PHYH: variants seen among roughly 807,000 people sequenced by gnomAD.
The protein encoded by PHYH is phytanoyl-CoA dioxygenase, peroxisomal.
A neutral mutation model predicts 38.5 loss-of-function variants in PHYH; 32 were observed. That is an observed-to-expected ratio of 0.83 (90% CI 0.63 to 1.12). The LOEUF (loss-of-function observed/expected upper bound fraction) is 1.12, where lower values mean the gene tolerates loss of function less well. Among genes scored for constraint, PHYH ranks in the 50% most tolerant of loss-of-function variants. The pLI, the probability that PHYH is intolerant of heterozygous loss-of-function variation, is 0.00. For synonymous variants in PHYH, 166 were observed against 157.9 expected (o/e 1.05, Z -0.38); for missense variants, 426 against 434.8 (o/e 0.98, Z 0.18).
chr10:13,277,804 G>T lies in PHYH; in HGVS notation c.*497C>A. 1 of 182,112 alleles carries T rather than the reference G, an allele frequency of 5.5e-6. No individual in the cohort carries two copies. Among genetic ancestry groups the T allele is most frequent in the Non-Finnish European group, 1.2e-5 (1 of 86,610 alleles). 11.3% of individuals were successfully genotyped at this position (182,112 alleles called of 1,614,324 possible). A position where few individuals can be genotyped will look rare whatever the true frequency, so the allele number is the denominator to read the frequency against. On this transcript the variant is annotated 3_prime_UTR_variant, in exon 9 of 9. Coordinates refer to ENST00000263038, the MANE Select transcript of PHYH (RefSeq NM_006214.4). ...ATCACAGGAGAAAGCCCTTGTCCGA[G>T]CAGGAATATCCACTTTATTTGGACT...
chr10:13,290,830 C>T (rs1199672418), intron 5 of PHYH, among the ~76,000 whole-genome samples: 1 of 152,148 alleles, frequency 6.6e-6, no homozygotes, highest in African/African-American at 2.4e-5. Flanking sequence ...GGCGCGGTGG[C>T]TCACACCTGT....
intron 2 of PHYH, among the ~76,000 whole-genome samples, chr10:13,296,564 GAAA>G (rs1219238482): frequency 6.6e-4 from 45 of 68,250 alleles, no homozygotes; most frequent in Non-Finnish European, 1.0e-3. Context: ...CTCCATCTCA[GAAA>G]AAAAAAAAAA....
chr10:13,296,414 T>C lies in PHYH; in HGVS notation c.135-808A>G, dbSNP rs1462536953. Among the ~76,000 whole-genome samples the C allele has an allele frequency of 2.0e-5, 3 of 150,876 alleles. No homozygotes were observed. In the East Asian group the frequency reaches 5.9e-4, roughly 30 times the overall value. On this transcript the variant is annotated intron_variant, in intron 2 of 8. Transcript: ENST00000263038. ...TCACATGATGAAACCCCATCTCTACTAAAAATACAAAAATTAGCGTGCCTG... is the reference window on the plus strand; with the variant it reads ...TCACATGATGAAACCCCATCTCTACCAAAAATACAAAAATTAGCGTGCCTG...
At chr10:13,278,894 C>A (rs1392843795) in intron 8 of PHYH, among the ~76,000 whole-genome samples, 3 of 152,324 alleles carry the variant, frequency 2.0e-5, no homozygotes, top group Admixed American at 6.5e-5. Flanking sequence ...GGTCCCCCAG[C>A]TGCTGTCAGT....
rs1588513735 is a variant in PHYH, at chr10:13,291,747, G to A, written c.496+84C>T. The A allele has an allele frequency of 1.6e-5, 14 of 886,004 alleles. No individual in the cohort carries two copies. In the East Asian group the frequency reaches 3.4e-4, roughly 22 times the overall value. 54.9% of individuals were successfully genotyped at this position (886,004 alleles called of 1,614,324 possible). ...TCCTCCCTTGGTCTCCTAAAATGCT[G>A]GGATTACAGGCATGAGTTACTGCAC... On this transcript the variant is annotated intron_variant, in intron 5 of 8. Coordinates refer to ENST00000263038, the MANE Select transcript of PHYH (RefSeq NM_006214.4).
chr10:13,295,706 C>CA, intron 2 of PHYH, 100 bp from the exon 3 acceptor site: 1 of 694,324 alleles, frequency 1.4e-6, no homozygotes, highest in Non-Finnish European at 2.6e-6. Context: ...CGGGCCGAGG[C>CA]AAGTGGATCA....
At chr10:13,284,151 C>G (rs1245156833) in intron 6 of PHYH, among the ~76,000 whole-genome samples, 2 of 151,926 alleles carry the variant, frequency 1.3e-5, no homozygotes, top group Non-Finnish European at 2.9e-5. Flanking sequence ...GGCAAAACCC[C>G]ATCTCTACAA....
chr10:13,282,051 G>A (rs954491264), intron 7 of PHYH, among the ~76,000 whole-genome samples: 4 of 152,096 alleles, frequency 2.6e-5, no homozygotes, highest in Non-Finnish European at 4.4e-5. Context: ...TTCAAGACTC[G>A]CCTGGGCAAC....
At chr10:13,281,790 T>G (rs1835419577) in intron 7 of PHYH, among the ~76,000 whole-genome samples, 1 of 152,240 alleles carries the variant, frequency 6.6e-6, no homozygotes, top group African/African-American at 2.4e-5. Context: ...GACTTTCTAC[T>G]TTGCCCCAAA....
intron 2 of PHYH, 41 bp from the exon 3 acceptor site, chr10:13,295,647 A>T: frequency 1.1e-6 from 1 of 879,370 alleles, no homozygotes; most frequent in Non-Finnish European, 1.9e-6. Flanking sequence ...TACATTTTTA[A>T]ATTACAGGCT....
intron 2 of PHYH, among the ~76,000 whole-genome samples, chr10:13,297,354 T>C (rs930987118): frequency 3.9e-5 from 6 of 152,204 alleles, no homozygotes; most frequent in African/African-American, 1.4e-4. Flanking sequence ...TGTATGAGAA[T>C]ATTTAGGAAG....
intron 2 of PHYH, among the ~76,000 whole-genome samples, chr10:13,297,333 G>C (rs187880578): frequency 6.6e-6 from 1 of 152,116 alleles, no homozygotes; most frequent in Admixed American, 6.6e-5. Flanking sequence ...CCTTAAGATC[G>C]GAATTGTGGT....
intron 1 of PHYH, among the ~76,000 whole-genome samples, chr10:13,298,910 A>G (rs1279146149): frequency 1.1e-5 from 1 of 88,192 alleles, no homozygotes; most frequent in Non-Finnish European, 2.5e-5. Flanking sequence ...ACAGAGCAAG[A>G]CTCCGTCTCA....
intron 6 of PHYH, among the ~76,000 whole-genome samples, chr10:13,287,826 A>G (rs935806366): frequency 1.3e-5 from 2 of 152,108 alleles, no homozygotes; most frequent in African/African-American, 4.8e-5. Context: ...TGCAGCTAGG[A>G]CTTACAATCT....
intron 8 of PHYH, among the ~76,000 whole-genome samples, chr10:13,279,333 A>G (rs1414322590): frequency 1.3e-5 from 2 of 152,066 alleles, no homozygotes; most frequent in Non-Finnish European, 2.9e-5. Flanking sequence ...AGCCTTTTTG[A>G]GTGTTCTACT....
chr10:13,285,931 G>A (rs1003704029), intron 6 of PHYH, among the ~76,000 whole-genome samples: 2 of 151,534 alleles, frequency 1.3e-5, no homozygotes, highest in African/African-American at 4.9e-5. Flanking sequence ...CTTTTGATAC[G>A]GGAACTTGCT....
chr10:13,288,391 G>C lies in PHYH; in HGVS notation c.647C>G (p.Ser216Cys). 1 of 1,614,058 alleles carries C rather than the reference G, an allele frequency of 6.2e-7. No individual in the cohort carries two copies. Among genetic ancestry groups the C allele is most frequent in the South Asian group, 1.1e-5 (1 of 91,068 alleles). Residue 216 changes from serine to cysteine, a missense_variant, in exon 6 of 9, where the codon TCC becomes TGC. Coordinates refer to ENST00000263038, the MANE Select transcript of PHYH (RefSeq NM_006214.4). The stretch of plus-strand genomic sequence containing the variant: ...CTTGGGGTAATCGTGGGGCTTCAGG[G>C]AGCCCTTGTGTGTGCCTGGGAGCAC... ...LVVLPGTHKG[S>C]LKPHDYPKWE...
intron 8 of PHYH, among the ~76,000 whole-genome samples, chr10:13,278,598 G>C (rs549568229): frequency 2.0e-5 from 3 of 152,078 alleles, no homozygotes; most frequent in Admixed American, 6.6e-5. Flanking sequence ...GGAGTGCAGC[G>C]GCTCACTGCA....
chr10:13,291,981 G>T (rs941807849), intron 4 of PHYH, 69 bp from the exon 5 acceptor site: 1 of 1,016,924 alleles, frequency 9.8e-7, no homozygotes, highest in Non-Finnish European at 1.5e-6. Context: ...CTGGTACAAA[G>T]TACAGTAGCT....
Sources: allele counts gnomAD v4.1 joint callset (sites outside exome capture counted in the v4.1 genomes callset), GRCh38; gene constraint gnomAD v4.1.1; transcripts MANE v1.5; gene names NCBI Gene and HGNC (gene_info 2026-07-23, HGNC 2026-07-21).